CNTN4: variants seen among roughly 807,000 people sequenced by gnomAD.
The protein encoded by CNTN4 is contactin-4.
In CNTN4, 77 loss-of-function variants were observed where a neutral mutation model predicts 122.5. The ratio of observed to expected loss-of-function variants is 0.63; its 90% CI spans 0.52 to 0.76. CNTN4 has a LOEUF of 0.76. Ranked by LOEUF, CNTN4 falls within the 30% of genes least tolerant of loss-of-function variation. The pLI is 0.00. For missense variants in CNTN4, 1,256 were observed against 1,259.1 expected (o/e 1.00, Z 0.04); for synonymous variants, 512 against 447.0 (o/e 1.15, Z -1.83).
At chr3:2,229,538 G>A (rs538945107) in intron 2 of CNTN4, among the ~76,000 whole-genome samples, 13 of 152,196 alleles carry the variant, frequency 8.5e-5, no homozygotes, top group South Asian at 2.1e-4. Flanking sequence ...ATATAGTTAC[G>A]TAAGTATTTG....
chr3:2,920,149 A>G (rs781202806), intron 12 of CNTN4, among the ~76,000 whole-genome samples: 2 of 151,704 alleles, frequency 1.3e-5, no homozygotes, highest in Non-Finnish European at 2.9e-5. Context: ...AGCAGGAAAA[A>G]GGAACAAAAA....
At chr3:2,395,384 T>A (rs1049001256) in intron 3 of CNTN4, among the ~76,000 whole-genome samples, 2 of 152,156 alleles carry the variant, frequency 1.3e-5, no homozygotes, top group African/African-American at 4.8e-5. Flanking sequence ...AAGGAAACTT[T>A]CTAGAGTGAT....
intron 4 of CNTN4, among the ~76,000 whole-genome samples, chr3:2,630,477 A>G (rs1365605529): frequency 6.6e-6 from 1 of 152,208 alleles, no homozygotes; most frequent in Non-Finnish European, 1.5e-5. Context: ...TACAATCTGT[A>G]TATCTATCTT....
chr3:2,931,468 G>A (rs879605730), intron 13 of CNTN4, among the ~76,000 whole-genome samples: 4 of 152,110 alleles, frequency 2.6e-5, no homozygotes, highest in Non-Finnish European at 2.9e-5. Context: ...AAGTGGTGAC[G>A]TCATTCAAAC....
chr3:2,510,327 G>T (rs1018195102), intron 3 of CNTN4, among the ~76,000 whole-genome samples: 3 of 148,852 alleles, frequency 2.0e-5, no homozygotes, highest in Non-Finnish European at 4.5e-5. Context: ...GTACAGAAAA[G>T]AAAACTAAGA....
intron 6 of CNTN4, among the ~76,000 whole-genome samples, chr3:2,782,505 G>A (rs1483015021): frequency 6.7e-6 from 1 of 149,178 alleles, no homozygotes; most frequent in Non-Finnish European, 1.5e-5. Flanking sequence ...GTGTGTGTGT[G>A]TGTGTGTGTG....
intron 3 of CNTN4, among the ~76,000 whole-genome samples, chr3:2,459,568 A>T (rs1207816198): frequency 6.6e-6 from 1 of 152,090 alleles, no homozygotes. Context: ...AACTCTCGTG[A>T]TATGGCCAGT....
At chr3:2,711,464 G>A (rs1337028831) in intron 4 of CNTN4, among the ~76,000 whole-genome samples, 1 of 152,296 alleles carries the variant, frequency 6.6e-6, no homozygotes, top group East Asian at 1.9e-4. Flanking sequence ...TGGAGTCAGA[G>A]TTTGCATAAG....
intron 2 of CNTN4, among the ~76,000 whole-genome samples, chr3:2,326,582 T>G (rs1390937875): frequency 2.0e-5 from 3 of 151,898 alleles, no homozygotes; most frequent in Non-Finnish European, 4.4e-5. Context: ...TTACACAAAC[T>G]GTAAAGGAAA....
At chr3:2,907,260 A>C (rs554816913) in intron 12 of CNTN4, among the ~76,000 whole-genome samples, 2 of 152,186 alleles carry the variant, frequency 1.3e-5, no homozygotes, top group African/African-American at 4.8e-5. Context: ...CAAAATGGAA[A>C]CAAGATAATC....
chr3:2,762,727 C>G (rs994826587), intron 6 of CNTN4, among the ~76,000 whole-genome samples: 1 of 152,094 alleles, frequency 6.6e-6, no homozygotes, highest in Non-Finnish European at 1.5e-5. Context: ...ACATTTCCAT[C>G]TTTACATCTT....
chr3:2,361,406 C>G (rs2045131845), intron 3 of CNTN4, among the ~76,000 whole-genome samples: 1 of 152,176 alleles, frequency 6.6e-6, no homozygotes, highest in Admixed American at 6.5e-5. Context: ...CAGTGGGTAG[C>G]TGCCAGGTAT....
intron 2 of CNTN4, among the ~76,000 whole-genome samples, chr3:2,195,364 A>G (rs1008831527): frequency 4.6e-5 from 7 of 152,228 alleles, no homozygotes; most frequent in Non-Finnish European, 1.0e-4. Context: ...AGCCATTGTG[A>G]AAAATGCTTC....
intron 7 of CNTN4, among the ~76,000 whole-genome samples, chr3:2,852,921 T>C (rs1461170403): frequency 2.0e-5 from 3 of 152,242 alleles, no homozygotes; most frequent in African/African-American, 7.2e-5. Context: ...CTTTGTGTTA[T>C]TGTCTTCAAA....
Position 2,837,305 on chromosome 3 carries a change from C to G in CNTN4, c.454+17724C>G, listed in dbSNP as rs560394149. ...TTGGTCTCCTGCAAACCACGTAGTT[C>G]TTTTATTGCTTCTTTTTTCATTTGA... On this transcript the variant is annotated intron_variant, in intron 7 of 24. Transcript: ENST00000418658. Among the ~76,000 whole-genome samples the G allele has an allele frequency of 3.9e-5, 6 of 152,244 alleles. 1 individual carries two copies. Among genetic ancestry groups the G allele is most frequent in the African/African-American group, 9.6e-5 (4 of 41,548 alleles).
chr3:3,048,000 CTT>C (rs1559834604), intron 23 of CNTN4, among the ~76,000 whole-genome samples: 1 of 152,166 alleles, frequency 6.6e-6, no homozygotes, highest in Admixed American at 6.5e-5. Flanking sequence ...GGAAAGGACA[CTT>C]TCTGAGTTCT....
At chr3:2,867,821 G>T (rs890899482) in intron 8 of CNTN4, among the ~76,000 whole-genome samples, 1 of 152,038 alleles carries the variant, frequency 6.6e-6, no homozygotes. Flanking sequence ...ACAGTTGTCT[G>T]TGTTCTTCAC....
chr3:2,104,257 C>T (rs56245785), intron 2 of CNTN4, among the ~76,000 whole-genome samples: 25,095 of 94,106 alleles, frequency 0.27, 2,351 homozygotes, highest in East Asian at 0.45. Flanking sequence ...TGTGTGTGTG[C>T]GTTTCAAGTC....
chr3:2,405,453 T>C (rs2046998601), intron 3 of CNTN4, among the ~76,000 whole-genome samples: 1 of 152,144 alleles, frequency 6.6e-6, no homozygotes, highest in African/African-American at 2.4e-5. Context: ...TAAGAGTGCA[T>C]GTCAAAGGAC....
Sources: allele counts gnomAD v4.1 joint callset (sites outside exome capture counted in the v4.1 genomes callset), GRCh38; gene constraint gnomAD v4.1.1; transcripts MANE v1.5; gene names NCBI Gene and HGNC (gene_info 2026-07-23, HGNC 2026-07-21).